Variants in CGB1 observed in about 807,000 individuals in gnomAD.
The protein encoded by CGB1 is choriogonadotropin subunit beta variant 1.
A neutral mutation model predicts 7.0 loss-of-function variants in CGB1; 4 were observed. The observed-to-expected ratio is 0.57, with a 90% confidence interval of 0.28 to 1.31. The LOEUF (loss-of-function observed/expected upper bound fraction) is 1.31, where lower values mean the gene tolerates loss of function less well. CGB1 is among the 50% of genes most tolerant of loss of function. The pLI is 0.10. For missense variants in CGB1, 139 were observed against 219.1 expected, an observed-to-expected ratio of 0.63 and a Z score of 2.31; for synonymous variants, 72 against 96.4, an observed-to-expected ratio of 0.75 and a Z score of 1.48.
chr19:49,036,363 C>A lies in CGB1; in HGVS notation c.10-60G>T, dbSNP rs865803584. On this transcript the variant is annotated intron_variant, in intron 1 of 2. Coordinates refer to ENST00000301407, the MANE Select transcript of CGB1 (RefSeq NM_033377.2). The stretch of plus-strand genomic sequence containing the variant: ...ACTGCAGCCCCCAGTCCTGGCCTTC[C>A]CATCCCGCATGGTACACCACCCACA... The A allele has an allele frequency of 2.5e-6, 4 of 1,602,116 alleles. No homozygotes were observed. The East Asian group carries it at 8.9e-5, about 36-fold the overall frequency.
chr19:49,035,664 G>C lies in CGB1; in HGVS notation c.414C>G (p.Ser138=). The change falls in exon 3 of 3, where the codon TCC becomes TCG. Residue 138 remains serine, a synonymous_variant. Transcript: ENST00000301407. ...CDDPRFQDSS[S]SKAPPPSLPS... is the part of the protein sequence containing the mutation. ...GAAGGCTGGGGGGAGGGGCCTTTGA[G>C]GAAGAGGAGTCCTGGAAGCGGGGGT... The C allele has an allele frequency of 6.2e-7, 1 of 1,610,902 alleles. No homozygotes were observed. Among genetic ancestry groups the C allele is most frequent in the East Asian group, 2.2e-5 (1 of 44,852 alleles).
At position 49,036,311 on chromosome 19, in the gene CGB1, A is replaced by G. The variant is rs2039817280; in HGVS notation, c.10-8T>C. 1.2e-6 allele frequency: 2 copies of G among 1,604,906 alleles called. No individual in the cohort carries two copies. Among genetic ancestry groups the G allele is most frequent in the Middle Eastern group, 2.2e-4 (1 of 4,516 alleles). On this transcript the variant is annotated splice_polypyrimidine_tract_variant and splice_region_variant and intron_variant, in intron 1 of 2. Coordinates refer to ENST00000301407, the MANE Select transcript of CGB1 (RefSeq NM_033377.2). ...CAGCAACAGCAGCAGCCTCTGGGGC[A>G]AGGACACTGCTTCACCCGGGTCTGA...
intron 1 of CGB1, 139 bp downstream of exon 1, chr19:49,036,564 C>T (rs1329525188): frequency 1.2e-6 from 2 of 1,612,154 alleles, no homozygotes; most frequent in South Asian, 2.2e-5. Flanking sequence ...CAGAAAGAGG[C>T]CTCCTTCCAC....
At chr19:49,036,504 G>C (rs557954928) in intron 1 of CGB1, 199 bp downstream of exon 1, 88 of 1,577,212 alleles carry the variant, frequency 5.6e-5, no homozygotes, top group Middle Eastern at 1.9e-4. Context: ...TTTCAGATCC[G>C]CACCCTCAGG....
rs1240055975 is a variant in CGB1, at chr19:49,036,579, C to G, written c.9+124G>C. The stretch of plus-strand genomic sequence containing the variant: ...CAGAAAGAGGCCTCCTTCCACAGCT[C>G]ACACGGGTCTGCCCCTTCTCATGCC... On this transcript the variant is annotated intron_variant, in intron 1 of 2. Coordinates refer to ENST00000301407, the MANE Select transcript of CGB1 (RefSeq NM_033377.2). The G allele has an allele frequency of 5.6e-6, 9 of 1,613,610 alleles. No individual in the cohort carries two copies. The African/African-American group carries it at 8.0e-5, about 14-fold the overall frequency.
intron 1 of CGB1, 167 bp downstream of exon 1, chr19:49,036,536 C>T (rs2039821289): frequency 1.2e-6 from 2 of 1,605,670 alleles, no homozygotes; most frequent in Non-Finnish European, 1.7e-6. Context: ...CTGAAGCTTA[C>T]TGGGGGTCAC....
At chr19:49,036,546 C>G in intron 1 of CGB1, 157 bp downstream of exon 1, 7 of 1,608,504 alleles carry the variant, frequency 4.4e-6, no homozygotes, top group Non-Finnish European at 5.9e-6. Flanking sequence ...CTGGGGGTCA[C>G]GCTCCTCCAG....
Position 49,036,260 on chromosome 19 carries a change from G to A in CGB1, c.53C>T (p.Ala18Val). 6.2e-7 allele frequency: 1 copy of A among 1,608,000 alleles called. No individual in the cohort carries two copies. The highest frequency in any genetic ancestry group is 8.5e-7 in the Non-Finnish European group (1 of 1,179,692). Residue 18 changes from alanine (A) to valine (V), a missense_variant, in exon 2 of 3, where the codon GCA becomes GTA. By Grantham distance (64) the Ala-to-Val change is moderately conservative (BLOSUM62 0). Around this residue, in one of 4 missense-constraint regions of CGB1, gnomAD observed 24 missense variants for 23.9 expected, o/e 1.00. Transcript: ENST00000301407. ...CCGTGGCCGAAGCGGCTCCTTGGAT[G>A]CCCATGTCCCGCCCATGCTCAGCAG... ...LLLLSMGGTW[A>V]SKEPLRPRCR...
At chr19:49,036,651 C>G (rs528757170) in intron 1 of CGB1, 52 bp downstream of exon 1, 13 of 1,614,000 alleles carry the variant, frequency 8.1e-6, no homozygotes, top group Non-Finnish European at 1.1e-5. Context: ...GCCCTGCAGT[C>G]TTTCCTGGAA....
Position 49,035,629 on chromosome 19 carries a change from G to C in CGB1, c.449C>G (p.Ser150Cys), listed in dbSNP as rs1347699604. The C allele has an allele frequency of 1.2e-6, 2 of 1,611,432 alleles. No individual in the cohort carries two copies. The highest frequency in any genetic ancestry group is 8.5e-7 in the Non-Finnish European group (1 of 1,179,906). ...GGTGTCCTAGGGCCCCGGGAGACGG[G>C]ATGGACTTGGAAGGCTGGGGGGAGG... ...KAPPPSLPSP[S>C]RLPGP Residue 150 changes from serine to cysteine, a missense_variant, in exon 3 of 3, where the codon TCC (serine) becomes TGC (cysteine). Transcript: ENST00000301407.
At chr19:49,035,958 G>A in intron 2 of CGB1, 58 bp from the exon 3 acceptor site, 6 of 1,203,236 alleles carry the variant, frequency 5.0e-6, no homozygotes, top group Non-Finnish European at 6.8e-6. Context: ...CCTCAGCTGA[G>A]CTCCCCAGCT....
In CGB1 at chr19:49,036,784, G is replaced by C; in HGVS notation, c.-73C>G. The C allele has an allele frequency of 6.2e-7, 1 of 1,609,000 alleles. No individual in the cohort carries two copies. Among genetic ancestry groups the C allele is most frequent in the South Asian group, 1.1e-5 (1 of 90,964 alleles). On this transcript the variant is annotated 5_prime_UTR_variant, in exon 1 of 3. Coordinates refer to ENST00000301407, the MANE Select transcript of CGB1 (RefSeq NM_033377.2). The stretch of plus-strand genomic sequence containing the variant: ...ATGGAAAGTAAATTGAGTCTCCGTG[G>C]GGGAGTGAGACAGGGAGTGAGGGGT...
Position 49,036,316 on chromosome 19 carries a change from C to T in CGB1, c.10-13G>A. ...ACAGCAGCAGCCTCTGGGGCAAGGA[C>T]ACTGCTTCACCCGGGTCTGAGACTG... is the stretch of plus-strand genomic sequence containing the variant. On this transcript the variant is annotated splice_polypyrimidine_tract_variant and intron_variant, in intron 1 of 2. Coordinates refer to ENST00000301407, the MANE Select transcript of CGB1 (RefSeq NM_033377.2). The T allele has an allele frequency of 6.2e-7, 1 of 1,604,652 alleles. No individual in the cohort carries two copies. The highest frequency in any genetic ancestry group is 2.2e-5 in the East Asian group (1 of 44,876).
At position 49,035,699 on chromosome 19, in the gene CGB1, T is replaced by A. The variant is rs1399939084; in HGVS notation, c.379A>T (p.Thr127Ser). The A allele has an allele frequency of 1.2e-6, 2 of 1,608,618 alleles. No individual in the cohort carries two copies. Among genetic ancestry groups the A allele is most frequent in the East Asian group, 2.2e-5 (1 of 44,826 alleles). Reference protein sequence around the residue: ...DCGGPKDHPLTCDDPRFQDSS... With the variant: ...DCGGPKDHPLSCDDPRFQDSS... ...TCCTGGAAGCGGGGGTCATCACAGGTCAAGGGGTGGTCCTTGGGACCCCCG... is the reference window on the plus strand; with the variant it reads ...TCCTGGAAGCGGGGGTCATCACAGGACAAGGGGTGGTCCTTGGGACCCCCG... The change falls in exon 3 of 3, where the codon ACC becomes TCC. Residue 127 changes from threonine to serine, a missense_variant. Physicochemically the swap from Thr to Ser is moderately conservative, Grantham distance 58 (BLOSUM62 1). Transcript: ENST00000301407.
rs1340305554 is a variant in CGB1, at chr19:49,036,805, G to T, written c.-94C>A. ...CGTGGGGGAGTGAGACAGGGAGTGAGGGGTGTTGGACGCGGCACGGGAACC... is the reference window on the plus strand; with the variant it reads ...CGTGGGGGAGTGAGACAGGGAGTGATGGGTGTTGGACGCGGCACGGGAACC... On this transcript the variant is annotated 5_prime_UTR_variant, in exon 1 of 3. Transcript: ENST00000301407. 2.5e-6 allele frequency: 4 copies of T among 1,590,044 alleles called. No homozygotes were observed. The highest frequency in any genetic ancestry group is 3.5e-6 in the Non-Finnish European group (4 of 1,158,836).
Position 49,035,830 on chromosome 19 carries a change from T to A in CGB1, c.248A>T (p.Glu83Val). 1 of 1,554,488 alleles carries A rather than the reference T, an allele frequency of 6.4e-7. No homozygotes were observed. The highest frequency in any genetic ancestry group is 8.7e-7 in the Non-Finnish European group (1 of 1,145,010). Residue 83 changes from glutamate (E) to valine (V), a missense_variant, in exon 3 of 3, where the codon GAG becomes GTG. By Grantham distance (121) the Glu-to-Val change is moderately radical. Around this residue, in one of 4 missense-constraint regions of CGB1, gnomAD observed 60 missense variants for 105.8 expected, o/e 0.57. Coordinates refer to ENST00000301407, the MANE Select transcript of CGB1 (RefSeq NM_033377.2). ...VVCNYRDVRF[E>V]SIRLPGCPRG... ...CGGGCAGCCAGGGAGCCGGATGGAC[T>A]CGAAGCGCACATCGCGGTAGTTGCA...
intron 1 of CGB1, 102 bp downstream of exon 1, chr19:49,036,601 T>G (rs2039822351): frequency 6.2e-7 from 1 of 1,613,832 alleles, no homozygotes; most frequent in African/African-American, 1.3e-5. Flanking sequence ...CCCCTTCTCA[T>G]GCCAGTGATG....
intron 1 of CGB1, 43 bp from the exon 2 acceptor site, chr19:49,036,346 C>A (rs780780561): frequency 1.2e-6 from 2 of 1,602,752 alleles, no homozygotes; most frequent in Non-Finnish European, 1.7e-6. Flanking sequence ...AGACTGCAGC[C>A]CCCAGTCCTG....
At chr19:49,035,976 C>G (rs2039810860) in intron 2 of CGB1, 76 bp from the exon 3 acceptor site, 7 of 1,256,288 alleles carry the variant, frequency 5.6e-6, no homozygotes, top group Non-Finnish European at 7.6e-6. Flanking sequence ...GCTGCCCCCA[C>G]AGGTCTCAGA....
Sources: gnomAD v4.1 joint callset for allele counts on GRCh38, gnomAD v4.1.1 for gene constraint, gnomAD v4.1.1 regional missense constraint, MANE v1.5 for transcripts, NCBI Gene and HGNC (gene_info 2026-07-23, HGNC 2026-07-21) for gene names.